Variants in SSPN observed in about 807,000 individuals in gnomAD.
SSPN encodes the protein sarcospan.
A neutral mutation model predicts 19.1 loss-of-function variants in SSPN; 15 were observed. The ratio of observed to expected loss-of-function variants is 0.78; its 90% CI spans 0.52 to 1.21. The LOEUF is 1.21. SSPN is among the 50% of genes most tolerant of loss of function. SSPN has a pLI of 0.00. For missense variants in SSPN, 291 were observed against 314.0 expected (o/e 0.93, Z 0.55); for synonymous variants, 147 against 140.3 (o/e 1.05, Z -0.34).
Position 26,233,721 on chromosome 12 carries a change from A to G in SSPN, c.*2645A>G, listed in dbSNP as rs1205717988. On this transcript the variant is annotated 3_prime_UTR_variant, in exon 3 of 3. Coordinates refer to ENST00000242729, the MANE Select transcript of SSPN (RefSeq NM_005086.5). The surrounding 1 kb of genome is among the most constrained non-coding windows in gnomAD (Gnocchi z 4.3). ...TGGTGACTGTCTCCTCTAAACCACG[A>G]AAGAGTAAGATTTGTGCAACCCTCC... is the stretch of plus-strand genomic sequence containing the variant. The G allele has an allele frequency of 6.6e-6, 1 of 152,196 alleles. No homozygotes were observed. The highest frequency in any genetic ancestry group is 1.9e-4 in the East Asian group (1 of 5,200). The allele number at this position is 152,196 out of a possible 1,614,324, so 9.4% of individuals were successfully genotyped here.
At chr12:26,170,390 G>C (rs1184680505) in intron 1 of SSPN, among the ~76,000 whole-genome samples, 1 of 152,140 alleles carries the variant, frequency 6.6e-6, no homozygotes, top group Non-Finnish European at 1.5e-5. Context: ...AATTCCGATG[G>C]CTCTAAGTAA....
chr12:26,188,428 T>C lies in SSPN; in HGVS notation c.-30-35865T>C, dbSNP rs535305505. ...TCAAAGATGTCAGTCTGGCTTGCAG[T>C]CAGACAATGACTCAGCTGTTCTAAC... On this transcript the variant is annotated intron_variant, in intron 1 of 2. Coordinates refer to the SSPN transcript ENST00000538142. Among the ~76,000 whole-genome samples, 56 of 152,326 alleles carry C rather than the reference T, an allele frequency of 3.7e-4. No homozygotes were observed. The South Asian group carries it at 4.8e-3, about 13-fold the overall frequency.
At chr12:26,177,000 T>A (rs1242818862) in intron 1 of SSPN, among the ~76,000 whole-genome samples, 1 of 152,182 alleles carries the variant, frequency 6.6e-6, no homozygotes, top group South Asian at 2.1e-4. Flanking sequence ...AAAGTCCAAA[T>A]TTTTTAGTGG....
At chr12:26,123,586 G>A (rs774950816) in intron 1 of SSPN, 2 of 1,388,702 alleles carry the variant, frequency 1.4e-6, no homozygotes, top group East Asian at 4.6e-5. Context: ...CCTGTGGGCT[G>A]CCCCGCTTCA....
At chr12:26,204,175 G>A (rs1332457320) in intron 1 of SSPN, among the ~76,000 whole-genome samples, 1 of 152,118 alleles carries the variant, frequency 6.6e-6, no homozygotes, top group East Asian at 1.9e-4. Flanking sequence ...GGCTTTCTTG[G>A]AACAGCTAGA....
intron 1 of SSPN, among the ~76,000 whole-genome samples, chr12:26,134,733 C>G (rs944909414): frequency 4.2e-5 from 6 of 143,240 alleles, no homozygotes; most frequent in Non-Finnish European, 9.2e-5. Flanking sequence ...CCCACTAGGA[C>G]TTTCCTATAT....
At chr12:26,143,271 C>G (rs1003757545) in intron 1 of SSPN, among the ~76,000 whole-genome samples, 1 of 152,172 alleles carries the variant, frequency 6.6e-6, no homozygotes, top group African/African-American at 2.4e-5. Context: ...TCTTAATATA[C>G]TTGATCATCA....
chr12:26,196,092 C>T (rs552658566), intron 1 of SSPN, 141 bp downstream of exon 1: 14 of 725,860 alleles, frequency 1.9e-5, no homozygotes, highest in Non-Finnish European at 2.9e-5. Flanking sequence ...GTGACTGATG[C>T]GTGGGGCACT....
At chr12:26,170,674 C>G (rs1332526983) in intron 1 of SSPN, among the ~76,000 whole-genome samples, 1 of 152,138 alleles carries the variant, frequency 6.6e-6, no homozygotes, top group Non-Finnish European at 1.5e-5. Context: ...TCTAAGTAAG[C>G]TAGAGGAAAT....
chr12:26,203,932 C>G (rs1944908015), intron 1 of SSPN, among the ~76,000 whole-genome samples: 1 of 152,164 alleles, frequency 6.6e-6, no homozygotes, highest in South Asian at 2.1e-4. Flanking sequence ...TTCCTCTTCT[C>G]ATGAATCCTC....
chr12:26,229,999 A>G (rs1393766240), intron 2 of SSPN, among the ~76,000 whole-genome samples: 2 of 151,282 alleles, frequency 1.3e-5, no homozygotes, highest in Non-Finnish European at 2.9e-5. Context: ...TCTGGAGGCC[A>G]ACAGTGTTCA....
At chr12:26,224,200 A>G (rs1945152930) in intron 1 of SSPN, 93 bp from the exon 2 acceptor site, 2 of 859,556 alleles carry the variant, frequency 2.3e-6, no homozygotes, top group East Asian at 2.5e-5. Context: ...GCTTTATAAC[A>G]TGGATGTGAC....
chr12:26,174,971 A>G (rs1944675688), intron 1 of SSPN, among the ~76,000 whole-genome samples: 1 of 152,170 alleles, frequency 6.6e-6, no homozygotes, highest in Non-Finnish European at 1.5e-5. Flanking sequence ...TTATTTTGCA[A>G]TCCAGCCATG....
rs148898457 is a variant in SSPN at position 26,221,692 on chromosome 12, C to T, written c.280-2601C>T. 7.2e-5 allele frequency among the ~76,000 whole-genome samples: 11 copies of T among 152,280 alleles called. No homozygotes were observed. The East Asian group carries it at 2.1e-3, about 29-fold the overall frequency. On this transcript the variant is annotated intron_variant, in intron 1 of 2. Coordinates refer to ENST00000242729, the MANE Select transcript of SSPN (RefSeq NM_005086.5). ...TAGGCCTTATTACTGGAATGTGTCT[C>T]TTATGGAGACAAAGAGGAAAGTCTT...
At chr12:26,141,457 T>G (rs1004360748) in intron 1 of SSPN, among the ~76,000 whole-genome samples, 1 of 152,208 alleles carries the variant, frequency 6.6e-6, no homozygotes, top group East Asian at 1.9e-4. Flanking sequence ...TAAATTTGTG[T>G]TGTTTAAGCT....
intron 1 of SSPN, among the ~76,000 whole-genome samples, chr12:26,157,250 T>G (rs901921505): frequency 5.3e-5 from 8 of 152,248 alleles, no homozygotes; most frequent in African/African-American, 1.7e-4. Flanking sequence ...ACTAAGTGAT[T>G]GCAGATTTTA....
Position 26,196,711 on chromosome 12 carries a change from T to G in SSPN, c.279+760T>G, listed in dbSNP as rs192686070. ...AATACCTACTGTGTGCTCGCCCTGC[T>G]AGAGGCCTGACACATATTATTTCTA... is the stretch of plus-strand genomic sequence containing the variant. On this transcript the variant is annotated intron_variant, in intron 1 of 2. Coordinates refer to ENST00000242729, the MANE Select transcript of SSPN (RefSeq NM_005086.5). Among the ~76,000 whole-genome samples the G allele has an allele frequency of 3.2e-4, 48 of 152,332 alleles. 1 individual carries two copies. The highest frequency in any genetic ancestry group is 9.6e-4 in the African/African-American group (40 of 41,562).
chr12:26,173,825 C>T (rs1454185585), intron 1 of SSPN, among the ~76,000 whole-genome samples: 1 of 152,120 alleles, frequency 6.6e-6, no homozygotes, highest in East Asian at 1.9e-4. Context: ...TCGTTTATTA[C>T]GTCAACTGTG....
intron 1 of SSPN, 93 bp downstream of exon 1, chr12:26,196,044 C>T: frequency 4.6e-6 from 5 of 1,075,886 alleles, no homozygotes; most frequent in Non-Finnish European, 6.3e-6. Flanking sequence ...TGCATGTGCC[C>T]TTCCCCGGGT....
Sources: allele counts gnomAD v4.1 joint callset (sites outside exome capture counted in the v4.1 genomes callset), GRCh38; gene constraint gnomAD v4.1.1; non-coding constraint Gnocchi (gnomAD v3.1); transcripts MANE v1.5; gene names NCBI Gene and HGNC (gene_info 2026-07-23, HGNC 2026-07-21).